Variants in GRK5 observed in about 807,000 individuals in gnomAD.
GRK5 encodes the protein G protein-coupled receptor kinase 5.
A neutral mutation model predicts 78.4 loss-of-function variants in GRK5; 40 were observed. The observed-to-expected ratio is 0.51, with a 90% CI of 0.40 to 0.66. GRK5 has a LOEUF of 0.66. Ranked by LOEUF, GRK5 falls within the 30% of genes least tolerant of loss-of-function variation. GRK5 has a pLI of 0.00. For synonymous variants in GRK5, 289 were observed against 296.8 expected (o/e 0.97, Z 0.27); for missense variants, 598 against 759.9 (o/e 0.79, Z 2.50).
Position 119,267,081 on chromosome 10 carries a change from A to G in GRK5, c.52+59112A>G, listed in dbSNP as rs997740850. Among the ~76,000 whole-genome samples the G allele has an allele frequency of 3.9e-5, 6 of 152,142 alleles. No homozygotes were observed. In the East Asian group the frequency reaches 1.2e-3, roughly 29 times the overall value. Reference sequence around the variant, plus strand: ...AACATGGAGAAACCCCATCTCTACTAAAAATACAAAAATTAGCCAGGCATG... The same window carrying G: ...AACATGGAGAAACCCCATCTCTACTGAAAATACAAAAATTAGCCAGGCATG... On this transcript the variant is annotated intron_variant, in intron 1 of 15. Coordinates refer to ENST00000392870, the MANE Select transcript of GRK5 (RefSeq NM_005308.3). This position sits in a 1 kb window ranked among gnomAD's most constrained non-coding sequence, Gnocchi z 4.1.
intron 1 of GRK5, among the ~76,000 whole-genome samples, chr10:119,277,912 C>T (rs1297071677): frequency 4.6e-5 from 7 of 152,192 alleles, no homozygotes; most frequent in Admixed American, 3.9e-4. Context: ...ACACTGTTGG[C>T]GTATCAGTAG....
chr10:119,323,590 G>T (rs1850623401), intron 1 of GRK5, among the ~76,000 whole-genome samples: 1 of 152,192 alleles, frequency 6.6e-6, no homozygotes, highest in South Asian at 2.1e-4. Flanking sequence ...GAGGCCACAT[G>T]TGCTGTCCCC....
At chr10:119,242,060 G>T (rs1486183951) in intron 1 of GRK5, among the ~76,000 whole-genome samples, 1 of 152,130 alleles carries the variant, frequency 6.6e-6, no homozygotes, top group African/African-American at 2.4e-5. Context: ...TTCCTGCTGT[G>T]GGGGAGGAGG....
chr10:119,207,758 CTT>C lies in GRK5; in HGVS notation c.-159_-158del, dbSNP rs1470197959. 4 of 694,736 alleles carry C rather than the reference CTT, an allele frequency of 5.8e-6. No homozygotes were observed. Among genetic ancestry groups the C allele is most frequent in the Admixed American group, 6.7e-5 (2 of 29,944 alleles). 43.0% of individuals were successfully genotyped at this position (694,736 alleles called of 1,614,324 possible). On this transcript the variant is annotated 5_prime_UTR_variant, in exon 1 of 16. Transcript: ENST00000392870. ...GCTCCTCTTTGCAGAGGGGGAAACT[CTT>C]GGGCTGAGAGCAGGAATAATGCGGT...
In GRK5 at chr10:119,291,618, T is replaced by TTCCTCCTCC. The variant is rs1564879214; in HGVS notation, c.53-34890_53-34889insCTCCTCCTC. Reference sequence around the variant, plus strand: ...CCTCCTCCTCTTCCTCCTCCTCTTCTTCCTCCTCTTCCTCCTTCTCTTCTT... The same window carrying TTCCTCCTCC: ...CCTCCTCCTCTTCCTCCTCCTCTTCTTCCTCCTCCTCCTCCTCTTCCTCCTTCTCTTCTT... On this transcript the variant is annotated intron_variant, in intron 1 of 15. Transcript: ENST00000392870. Among the ~76,000 whole-genome samples, 508 of 87,840 alleles carry TTCCTCCTCC rather than the reference T, an allele frequency of 5.8e-3. 22 individuals carry two copies. Among genetic ancestry groups the TTCCTCCTCC allele is most frequent in the Admixed American group, 0.014 (120 of 8,734 alleles). 57.6% of individuals were successfully genotyped at this position (87,840 alleles called of 152,430 possible). A position where few individuals can be genotyped will look rare whatever the true frequency, so the allele number is the denominator to read the frequency against.
chr10:119,441,498 G>A (rs1432339613), intron 10 of GRK5, among the ~76,000 whole-genome samples: 1 of 152,232 alleles, frequency 6.6e-6, no homozygotes, highest in South Asian at 2.1e-4. Flanking sequence ...GCTCTGCCAG[G>A]TCAGACCAGA....
chr10:119,454,979 A>G lies in GRK5; in HGVS notation c.1685A>G (p.Asn562Ser). Residue 562 changes from asparagine (N) to serine (S), a missense_variant, in exon 16 of 16, where the codon AAT becomes AGT. Asn to Ser is a conservative substitution (Grantham distance 46). Coordinates refer to ENST00000392870, the MANE Select transcript of GRK5 (RefSeq NM_005308.3). ...CAACCCCAACCCCAGCATCAGAACA[A>G]TTCCAAGAGTTCGCCCAGCTCCAAG... ...QRLFKRQHQN[N>S]SKSSPSSKTS... The G allele has an allele frequency of 1.2e-6, 2 of 1,613,418 alleles. No individual in the cohort carries two copies. The highest frequency in any genetic ancestry group is 1.7e-5 in the Admixed American group (1 of 60,024).
intron 2 of GRK5, among the ~76,000 whole-genome samples, chr10:119,351,287 T>C (rs997440887): frequency 2.0e-5 from 3 of 152,184 alleles, no homozygotes; most frequent in Non-Finnish European, 4.4e-5. Context: ...AACTCTTTGA[T>C]ATGGTTTGGC....
At chr10:119,362,727 A>G (rs1249483238) in intron 2 of GRK5, among the ~76,000 whole-genome samples, 1 of 152,222 alleles carries the variant, frequency 6.6e-6, no homozygotes, top group Non-Finnish European at 1.5e-5. Context: ...CCCAAGAAGC[A>G]TGGGACCCTT....
Position 119,292,029 on chromosome 10 carries a change from CT to C in GRK5, c.53-34485del, listed in dbSNP as rs1849980863. ...CCTCCTTCTCCTCCTCTTCCTCCTT[CT>C]TCTCCTCCTCTTCCTCCTTCTCCTC... is the stretch of plus-strand genomic sequence containing the variant. On this transcript the variant is annotated intron_variant, in intron 1 of 15. Transcript: ENST00000392870. Among the ~76,000 whole-genome samples, 2 of 110,048 alleles carry C rather than the reference CT, an allele frequency of 1.8e-5. 1 individual carries two copies. The highest frequency in any genetic ancestry group is 3.7e-5 in the Non-Finnish European group (2 of 53,654). 72.2% of individuals were successfully genotyped at this position (110,048 alleles called of 152,430 possible). A position where few individuals can be genotyped will look rare whatever the true frequency, so the allele number is the denominator to read the frequency against.
intron 1 of GRK5, among the ~76,000 whole-genome samples, chr10:119,257,592 C>T (rs529932886): frequency 2.6e-5 from 4 of 152,106 alleles, no homozygotes; most frequent in African/African-American, 9.7e-5. Context: ...GGTGTGGTGG[C>T]GGATGCCTGT....
In GRK5 at chr10:119,253,938, CTT is replaced by C. The variant is rs1849242219; in HGVS notation, c.52+45973_52+45974del. 6.6e-6 allele frequency among the ~76,000 whole-genome samples: 1 copy of C among 151,984 alleles called. No individual in the cohort carries two copies. Among genetic ancestry groups the C allele is most frequent in the Admixed American group, 6.6e-5 (1 of 15,256 alleles). On this transcript the variant is annotated intron_variant, in intron 1 of 15. Transcript: ENST00000392870. This position sits in a 1 kb window ranked among gnomAD's most constrained non-coding sequence, Gnocchi z 5.7. ...TTATTTTCAGATGTTCACATGGACT[CTT>C]TTTGAGATTCCCCAGGGGAAAAGGA...
intron 2 of GRK5, among the ~76,000 whole-genome samples, chr10:119,332,675 G>A (rs975764692): frequency 6.6e-6 from 1 of 152,168 alleles, no homozygotes; most frequent in Non-Finnish European, 1.5e-5. Context: ...TGCCTGTGCT[G>A]CCCTATGTGA....
intron 2 of GRK5, among the ~76,000 whole-genome samples, chr10:119,342,373 C>G (rs1850998832): frequency 6.6e-6 from 1 of 152,236 alleles, no homozygotes; most frequent in Non-Finnish European, 1.5e-5. Flanking sequence ...CATCCAGGCT[C>G]TATTCCTTAC....
chr10:119,248,628 T>C (rs1316105528), intron 1 of GRK5, among the ~76,000 whole-genome samples: 1 of 152,072 alleles, frequency 6.6e-6, no homozygotes, highest in East Asian at 1.9e-4. Context: ...TGGCAAGCTA[T>C]AGCCTCCATG....
chr10:119,425,451 C>T (rs1394380487), intron 6 of GRK5, among the ~76,000 whole-genome samples: 4 of 152,298 alleles, frequency 2.6e-5, no homozygotes, highest in South Asian at 2.1e-4. Context: ...AGTTGGTTCT[C>T]CATTTTTCTG....
chr10:119,247,727 G>A (rs1849135113), intron 1 of GRK5, among the ~76,000 whole-genome samples: 2 of 152,152 alleles, frequency 1.3e-5, no homozygotes, highest in African/African-American at 4.8e-5. Flanking sequence ...GTTTAGAGGG[G>A]GCCACATGGA....
chr10:119,329,218 A>T (rs1481495294), intron 2 of GRK5, among the ~76,000 whole-genome samples: 1 of 152,194 alleles, frequency 6.6e-6, no homozygotes, highest in Non-Finnish European at 1.5e-5. Context: ...TATTTTATTC[A>T]TGTGTTTCTC....
At position 119,425,257 on chromosome 10, in the gene GRK5, G is replaced by GCACACACACA. The variant is rs1176161623; in HGVS notation, c.533+173_533+182dup. ...CTAGAAATGCTGTATGCTTATTCAA[G>GCACACACACA]CACACACACATACACACACACACAC... On this transcript the variant is annotated intron_variant, in intron 6 of 15. Coordinates refer to ENST00000392870, the MANE Select transcript of GRK5 (RefSeq NM_005308.3). Among the ~76,000 whole-genome samples the GCACACACACA allele has an allele frequency of 6.7e-4, 62 of 92,490 alleles. 1 individual carries two copies. The South Asian group carries it at 0.018, about 27-fold the overall frequency. 60.7% of individuals were successfully genotyped at this position (92,490 alleles called of 152,430 possible). A position where few individuals can be genotyped will look rare whatever the true frequency, so the allele number is the denominator to read the frequency against.
Sources: allele counts gnomAD v4.1 joint callset (sites outside exome capture counted in the v4.1 genomes callset), GRCh38; gene constraint gnomAD v4.1.1; non-coding constraint Gnocchi (gnomAD v3.1); transcripts MANE v1.5; gene names NCBI Gene and HGNC (gene_info 2026-07-23, HGNC 2026-07-21).